The following ANKRD44 variants were observed in gnomAD, a reference collection of about 807,000 sequenced individuals.
ANKRD44 encodes ankyrin repeat domain 44.
ANKRD44 carries 35 observed loss-of-function variants against 116.0 expected under a neutral mutation model. The observed-to-expected ratio is 0.30, with a 90% CI of 0.23 to 0.40. The LOEUF (loss-of-function observed/expected upper bound fraction) is 0.40, where lower values mean the gene tolerates loss of function less well. ANKRD44 is among the 10% of genes least tolerant of loss of function. The probability of loss-of-function intolerance (pLI) is 1.00; values close to 1 mark genes in which losing one functional copy is unlikely to be tolerated. For missense variants in ANKRD44, 1,014 were observed against 1,242.6 expected (o/e 0.82, Z 2.77); for synonymous variants, 435 against 461.8 (o/e 0.94, Z 0.74).
chr2:197,309,312 G>C (rs1208963475), intron 1 of ANKRD44, among the ~76,000 whole-genome samples: 1 of 152,158 alleles, frequency 6.6e-6, no homozygotes, highest in Non-Finnish European at 1.5e-5. Context: ...TTCATCACAA[G>C]TACCAGCTGC....
intron 17 of ANKRD44, among the ~76,000 whole-genome samples, chr2:197,017,970 T>C (rs895362782): frequency 2.0e-5 from 3 of 152,248 alleles, no homozygotes; most frequent in African/African-American, 7.2e-5. Flanking sequence ...GGAGATGTCA[T>C]TAGGGTCTCA....
chr2:197,093,404 C>T (rs1056761165), intron 10 of ANKRD44, among the ~76,000 whole-genome samples: 2 of 152,080 alleles, frequency 1.3e-5, no homozygotes, highest in African/African-American at 2.4e-5. Context: ...ACTCTACATT[C>T]GCTGATTTTT....
intron 8 of ANKRD44, among the ~76,000 whole-genome samples, chr2:197,119,666 T>C (rs2078806449): frequency 6.6e-6 from 1 of 152,182 alleles, no homozygotes; most frequent in South Asian, 2.1e-4. Flanking sequence ...ATAGAGAAGG[T>C]TATTAAAATA....
Position 197,121,352 on chromosome 2 carries a change from C to T in ANKRD44, c.886G>A (p.Gly296Arg), listed in dbSNP as rs947678457. ...ALCLELLVNNGADVNIQSKDG... is the reference protein window; with the variant it reads ...ALCLELLVNNRADVNIQSKDG... ...CATACCTGAATGTTAACATCTGCCCCGTTGTTTACTAACAATTCAAGACAC... is the reference window on the plus strand; with the variant it reads ...CATACCTGAATGTTAACATCTGCCCTGTTGTTTACTAACAATTCAAGACAC... Residue 296 changes from glycine to arginine, a missense_variant, in exon 8 of 28, where the codon GGG (glycine) becomes AGG (arginine). Physicochemically the swap from Gly to Arg is moderately radical, Grantham distance 125 (BLOSUM62 -2). Transcript: ENST00000282272. 9 of 1,614,008 alleles carry T rather than the reference C, an allele frequency of 5.6e-6. No individual in the cohort carries two copies. Among genetic ancestry groups the T allele is most frequent in the African/African-American group, 1.3e-5 (1 of 74,892 alleles).
chr2:197,265,224 C>CT (rs1429738859), intron 1 of ANKRD44, among the ~76,000 whole-genome samples: 1 of 119,118 alleles, frequency 8.4e-6, no homozygotes, highest in Non-Finnish European at 1.7e-5. Context: ...AGTAACAGCA[C>CT]TTTTTTTCTT....
intron 1 of ANKRD44, among the ~76,000 whole-genome samples, chr2:197,258,168 T>C (rs2082502013): frequency 6.6e-6 from 1 of 151,926 alleles, no homozygotes; most frequent in African/African-American, 2.4e-5. Context: ...AGTGGTGTGA[T>C]CTTGGCTTCC....
chr2:197,068,349 C>A, intron 16 of ANKRD44, among the ~76,000 whole-genome samples: 2 of 124,922 alleles, frequency 1.6e-5, no homozygotes, highest in African/African-American at 3.0e-5. Context: ...TACCCTAAAA[C>A]TTAGAGTATA....
Position 197,172,809 on chromosome 2 carries a change from G to A in ANKRD44, c.111+14214C>T, listed in dbSNP as rs555154820. On this transcript the variant is annotated intron_variant, in intron 2 of 27. Transcript: ENST00000282272. ...TCACACTCCTCAGCTCAAGTGATCC[G>A]CCCACCTTGGCCTCCCAAACTGTTG... 4.5e-4 allele frequency among the ~76,000 whole-genome samples: 68 copies of A among 151,786 alleles called. 1 individual carries two copies. Among genetic ancestry groups the A allele is most frequent in the East Asian group, 1.9e-3 (10 of 5,134 alleles).
At chr2:197,098,850 T>C (rs62279211) in intron 10 of ANKRD44, among the ~76,000 whole-genome samples, 19,213 of 152,162 alleles carry the variant, frequency 0.13, 1,429 homozygotes, top group Non-Finnish European at 0.17. Context: ...CAAAGTCACA[T>C]AGCTCACAAG....
chr2:197,099,716 T>C (rs1165548481), intron 10 of ANKRD44, 100 bp downstream of exon 10: 10 of 1,514,302 alleles, frequency 6.6e-6, no homozygotes, highest in Non-Finnish European at 8.8e-6. Context: ...TAGATCCACC[T>C]TAACCTGGAT....
At chr2:197,127,702 T>C (rs1313435675) in intron 4 of ANKRD44, among the ~76,000 whole-genome samples, 1 of 152,194 alleles carries the variant, frequency 6.6e-6, no homozygotes, top group Non-Finnish European at 1.5e-5. Flanking sequence ...AGGGTACATG[T>C]GCAGAATGTA....
At chr2:197,128,546 C>G (rs1314777098) in intron 4 of ANKRD44, among the ~76,000 whole-genome samples, 2 of 152,170 alleles carry the variant, frequency 1.3e-5, no homozygotes, top group African/African-American at 4.8e-5. Flanking sequence ...AGACCTTTGT[C>G]TGATGGATAG....
chr2:197,020,803 T>TTTA (rs1237293309), intron 17 of ANKRD44, among the ~76,000 whole-genome samples: 1 of 146,564 alleles, frequency 6.8e-6, no homozygotes, highest in Non-Finnish European at 1.5e-5. Context: ...TATGGAGTTT[T>TTTA]TTATTATTAT....
At chr2:197,173,232 A>G (rs1174030602) in intron 2 of ANKRD44, among the ~76,000 whole-genome samples, 1 of 152,222 alleles carries the variant, frequency 6.6e-6, no homozygotes, top group Non-Finnish European at 1.5e-5. Flanking sequence ...ACTGAGCCCT[A>G]GACTACTAAG....
intron 1 of ANKRD44, among the ~76,000 whole-genome samples, chr2:197,293,195 G>T (rs1325908670): frequency 5.9e-5 from 9 of 152,160 alleles, no homozygotes; most frequent in Non-Finnish European, 1.3e-4. Flanking sequence ...GATAAAAGAA[G>T]GGAAGGATGG....
intron 2 of ANKRD44, among the ~76,000 whole-genome samples, chr2:197,157,157 T>A (rs1394494635): frequency 7.0e-6 from 1 of 142,860 alleles, no homozygotes; most frequent in Admixed American, 7.4e-5. Flanking sequence ...TAAAACACAT[T>A]CTCACTCTTA....
chr2:197,179,128 A>C (rs2080441760), intron 2 of ANKRD44, among the ~76,000 whole-genome samples: 1 of 152,152 alleles, frequency 6.6e-6, no homozygotes, highest in Non-Finnish European at 1.5e-5. Context: ...GTTGCTTCTA[A>C]TCCTGGACTT....
intron 16 of ANKRD44, among the ~76,000 whole-genome samples, chr2:197,052,990 T>G (rs2077138266): frequency 6.6e-6 from 1 of 151,932 alleles, no homozygotes; most frequent in Admixed American, 6.6e-5. Flanking sequence ...GCCAAAACAG[T>G]GAAACCCCCA....
At chr2:197,048,382 C>A (rs2077043473) in intron 16 of ANKRD44, among the ~76,000 whole-genome samples, 1 of 152,076 alleles carries the variant, frequency 6.6e-6, no homozygotes, top group Admixed American at 6.5e-5. Context: ...ATGTTCCCTG[C>A]CCTGTGTCCA....
Sources: allele counts gnomAD v4.1 joint callset (sites outside exome capture counted in the v4.1 genomes callset), GRCh38; gene constraint gnomAD v4.1.1; transcripts MANE v1.5; gene names NCBI Gene and HGNC (gene_info 2026-07-23, HGNC 2026-07-21).